Variants in PAXIP1 observed in about 807,000 individuals in gnomAD.
PAXIP1 encodes PAX-interacting protein 1.
A neutral mutation model predicts 140.6 loss-of-function variants in PAXIP1; 19 were observed. That is an observed-to-expected ratio of 0.14 (90% CI 0.09 to 0.20). PAXIP1 has a LOEUF of 0.20. Ranked by LOEUF, PAXIP1 falls within the 10% of genes least tolerant of loss-of-function variation. The pLI, the probability that PAXIP1 is intolerant of heterozygous loss-of-function variation, is 1.00. For synonymous variants in PAXIP1, 442 were observed against 444.6 expected, an observed-to-expected ratio of 0.99 and a Z score of 0.07; for missense variants, 920 against 1,208.6, an observed-to-expected ratio of 0.76 and a Z score of 3.54.
rs762210325 is a variant in PAXIP1, at chr7:154,954,394, C to T, written c.2682G>A (p.Ala894=). The stretch of plus-strand genomic sequence containing the variant: ...GGTGTGTGCACTTCTGTGCAGACTC[C>T]GCAACCTCTCCACCAAGAATGTAGA... ...KKLYILGGEV[A]ESAQKCTHLI... Residue 894 remains alanine (A), a synonymous_variant, in exon 16 of 21, where the codon GCG becomes GCA. Coordinates refer to ENST00000404141, the MANE Select transcript of PAXIP1 (RefSeq NM_007349.4). This position sits in a 1 kb window ranked among gnomAD's most constrained non-coding sequence, Gnocchi z 5.1. The T allele has an allele frequency of 2.7e-5, 42 of 1,567,962 alleles. No homozygotes were observed. The highest frequency in any genetic ancestry group is 2.4e-4 in the African/African-American group (18 of 73,696).
At chr7:154,977,609 A>G (rs182015975) in intron 5 of PAXIP1, among the ~76,000 whole-genome samples, 10 of 152,352 alleles carry the variant, frequency 6.6e-5, no homozygotes, top group Admixed American at 6.5e-4. Context: ...TTAAAATATA[A>G]GAAAAACCTA....
Position 154,975,525 on chromosome 7 carries a change from C to T in PAXIP1, c.1074+171G>A, listed in dbSNP as rs756527712. Among the ~76,000 whole-genome samples the T allele has an allele frequency of 0.014, 12 of 856 alleles. No homozygotes were observed. In the East Asian group the frequency reaches 0.3, roughly 21 times the overall value. The allele number at this position is 856 out of a possible 152,430, so 0.6% of individuals were successfully genotyped here. A position where few individuals can be genotyped will look rare whatever the true frequency, so the allele number is the denominator to read the frequency against. On this transcript the variant is annotated intron_variant, in intron 6 of 20. Coordinates refer to ENST00000404141, the MANE Select transcript of PAXIP1 (RefSeq NM_007349.4). ...CCTGAAATATACATATATACACATA[C>T]ACACACACACACACACACACACACA... is the stretch of plus-strand genomic sequence containing the variant.
chr7:154,954,634 A>G lies in PAXIP1; in HGVS notation c.2653-211T>C, dbSNP rs1272420443. ...TTATCATTTACATTTCTGTAGTTCA[A>G]TTCCACACAAATCAAGATTAAAACA... is the stretch of plus-strand genomic sequence containing the variant. On this transcript the variant is annotated intron_variant, in intron 15 of 20. Coordinates refer to ENST00000404141, the MANE Select transcript of PAXIP1 (RefSeq NM_007349.4). The surrounding 1 kb of genome is among the most constrained non-coding windows in gnomAD (Gnocchi z 5.1). Among the ~76,000 whole-genome samples, 4 of 152,252 alleles carry G rather than the reference A, an allele frequency of 2.6e-5. No homozygotes were observed. In the East Asian group the frequency reaches 5.8e-4, roughly 22 times the overall value.
chr7:154,944,285 C>T, intron 20 of PAXIP1, 121 bp from the exon 21 acceptor site: 3 of 829,144 alleles, frequency 3.6e-6, no homozygotes, highest in Non-Finnish European at 3.8e-6. Flanking sequence ...CAGCCTCTTT[C>T]TTACCCATTC....
At chr7:154,977,303 T>C (rs1809624816) in intron 5 of PAXIP1, among the ~76,000 whole-genome samples, 1 of 152,214 alleles carries the variant, frequency 6.6e-6, no homozygotes, top group Non-Finnish European at 1.5e-5. Context: ...TTGGCTGTGC[T>C]CCTAAAAGCT....
At chr7:154,992,028 C>T (rs892888023) in intron 3 of PAXIP1, among the ~76,000 whole-genome samples, 11 of 152,212 alleles carry the variant, frequency 7.2e-5, no homozygotes, top group Non-Finnish European at 1.5e-5. Flanking sequence ...GCCCCATTAT[C>T]GAAGATCTGT....
chr7:154,961,056 T>A lies in PAXIP1; in HGVS notation c.2271A>T (p.Glu757Asp). 1 of 1,583,570 alleles carries A rather than the reference T, an allele frequency of 6.3e-7. No individual in the cohort carries two copies. The change falls in exon 12 of 21, where the codon GAA (glutamate) becomes GAT (aspartate). Residue 757 changes from glutamate to aspartate, a missense_variant. By Grantham distance (45) the Glu-to-Asp change is conservative. Around this residue, in one of 5 missense-constraint regions of PAXIP1, gnomAD observed 303 missense variants for 517.9 expected, o/e 0.59. Coordinates refer to ENST00000404141, the MANE Select transcript of PAXIP1 (RefSeq NM_007349.4). ...AGGGTATCCTCCACTCTTTGGCTTT[T>A]TCATACTTTAAACCAGTTGGTCTTT... is the stretch of plus-strand genomic sequence containing the variant. ...ICKEPTGLKY[E>D]KAKEWRIPCV...
At chr7:154,951,208 T>G in intron 16 of PAXIP1, 1 of 152,212 alleles carries the variant, frequency 6.6e-6, no homozygotes, top group East Asian at 1.9e-4. Context: ...AACTATGGAC[T>G]TCAGGTGACT....
Position 154,946,078 on chromosome 7 carries a change from A to G in PAXIP1, c.3194+287T>C, listed in dbSNP as rs1307212111. The G allele has an allele frequency of 2.1e-6, 2 of 975,268 alleles. No individual in the cohort carries two copies. Among genetic ancestry groups the G allele is most frequent in the Non-Finnish European group, 2.4e-6 (2 of 820,812 alleles). The allele number at this position is 975,268 out of a possible 1,614,324, so 60.4% of individuals were successfully genotyped here. On this transcript the variant is annotated intron_variant, in intron 20 of 20. Coordinates refer to ENST00000404141, the MANE Select transcript of PAXIP1 (RefSeq NM_007349.4). The surrounding 1 kb of genome is among the most constrained non-coding windows in gnomAD (Gnocchi z 4.9). ...ATATTTATTTTTGCAATTATTTTCTATTTTATCTAATTGTCAAATTCTTTA... is the reference window on the plus strand; with the variant it reads ...ATATTTATTTTTGCAATTATTTTCTGTTTTATCTAATTGTCAAATTCTTTA...
chr7:154,989,734 AT>A (rs1344278339), intron 4 of PAXIP1, among the ~76,000 whole-genome samples: 1 of 152,198 alleles, frequency 6.6e-6, no homozygotes, highest in African/African-American at 2.4e-5. Flanking sequence ...CACTGTTAAC[AT>A]TTTGGTTTCT....
At chr7:154,952,839 T>C (rs572155545) in intron 16 of PAXIP1, among the ~76,000 whole-genome samples, 6 of 152,294 alleles carry the variant, frequency 3.9e-5, no homozygotes, top group Non-Finnish European at 8.8e-5. Context: ...AGTCTTTCCT[T>C]CAGATTAATG....
At chr7:154,966,008 C>T (rs115746961) in intron 8 of PAXIP1, among the ~76,000 whole-genome samples, 16 of 152,310 alleles carry the variant, frequency 1.1e-4, no homozygotes, top group African/African-American at 3.9e-4. Context: ...TTTCCCTTTA[C>T]CTCCATCCTA....
In PAXIP1 at chr7:155,002,900, C is replaced by G; in HGVS notation, c.30G>C (p.Glu10Asp). MSDQAPKVPEEMFREVKYYA... is the reference protein window; with the variant it reads MSDQAPKVPDEMFREVKYYA... ...AATACTTGACCTCCCTGAACATCTC[C>G]TCAGGAACTTTGGGCGCCTGGTCCG... is the stretch of plus-strand genomic sequence containing the variant. Residue 10 changes from glutamate to aspartate, a missense_variant, in exon 1 of 21, where the codon GAG becomes GAC. Glu to Asp is a conservative substitution (Grantham distance 45). Around this residue, in one of 5 missense-constraint regions of PAXIP1, gnomAD observed 419 missense variants for 514.7 expected, o/e 0.81. Transcript: ENST00000404141. The G allele has an allele frequency of 7.2e-7, 1 of 1,390,234 alleles. No individual in the cohort carries two copies. The highest frequency in any genetic ancestry group is 1.4e-5 in the South Asian group (1 of 70,562). The allele number at this position is 1,390,234 out of a possible 1,614,324, so 86.1% of individuals were successfully genotyped here. A position where few individuals can be genotyped will look rare whatever the true frequency, so the allele number is the denominator to read the frequency against.
At chr7:154,985,717 T>C (rs1303795139) in intron 4 of PAXIP1, among the ~76,000 whole-genome samples, 1 of 152,188 alleles carries the variant, frequency 6.6e-6, no homozygotes, top group Non-Finnish European at 1.5e-5. Context: ...ACTCTCCCTT[T>C]TCCTTCTTCA....
chr7:154,975,603 G>T, intron 6 of PAXIP1, 93 bp downstream of exon 6: 1 of 904,142 alleles, frequency 1.1e-6, no homozygotes, highest in Non-Finnish European at 1.7e-6. Context: ...TATTTGGTCT[G>T]AAAAAGCAAA....
intron 6 of PAXIP1, among the ~76,000 whole-genome samples, chr7:154,971,815 C>A (rs1350250844): frequency 6.6e-6 from 1 of 152,130 alleles, no homozygotes; most frequent in Non-Finnish European, 1.5e-5. Context: ...AAGTTACACT[C>A]CCCCCAACAA....
At position 154,975,921 on chromosome 7, in the gene PAXIP1, C is replaced by T. The variant is rs1341940609; in HGVS notation, c.849G>A (p.Gln283=). The T allele has an allele frequency of 1.2e-6, 2 of 1,613,968 alleles. No homozygotes were observed. The highest frequency in any genetic ancestry group is 1.7e-5 in the Admixed American group (1 of 60,016). ...QLAAAKRRLP[Q]GKEPGLINLC... ...AGTTAATCAACCCAGGCTCCTTTCCCTGAGGCAGCCTGCGTTTTGCTGCAG... is the reference window on the plus strand; with the variant it reads ...AGTTAATCAACCCAGGCTCCTTTCCTTGAGGCAGCCTGCGTTTTGCTGCAG... Residue 283 remains glutamine (Q), a synonymous_variant, in exon 6 of 21, where the codon CAG becomes CAA. Coordinates refer to ENST00000404141, the MANE Select transcript of PAXIP1 (RefSeq NM_007349.4).
Position 154,963,689 on chromosome 7 carries a change from G to C in PAXIP1, c.1971C>G (p.Val657=), listed in dbSNP as rs1284138939. The change falls in exon 9 of 21, where the codon GTC becomes GTG. Residue 657 remains valine (V), a synonymous_variant. Transcript: ENST00000404141. The surrounding 1 kb of genome is among the most constrained non-coding windows in gnomAD (Gnocchi z 4.1). ...TCCTTACCTGTGCATACGCGCTGCT[G>C]ACTTGACTCTCACAGAGAAGGTGCG... ...RCTHLLCESQ[V]SSAYAQAIRE... 1 of 1,613,172 alleles carries C rather than the reference G, an allele frequency of 6.2e-7. No homozygotes were observed.
chr7:154,956,047 G>T lies in PAXIP1; in HGVS notation c.2550-416C>A, dbSNP rs943288981. On this transcript the variant is annotated intron_variant, in intron 14 of 20. Coordinates refer to ENST00000404141, the MANE Select transcript of PAXIP1 (RefSeq NM_007349.4). This position sits in a 1 kb window ranked among gnomAD's most constrained non-coding sequence, Gnocchi z 4.2. ...CCTTGTGTGACTCAGGCCATTCCTT[G>T]TTTGCACGTTCACCATCAATACAAG... Among the ~76,000 whole-genome samples the T allele has an allele frequency of 6.6e-6, 1 of 152,104 alleles. No individual in the cohort carries two copies. Among genetic ancestry groups the T allele is most frequent in the Non-Finnish European group, 1.5e-5 (1 of 68,026 alleles).
Sources: gnomAD v4.1 joint callset for allele counts (sites outside exome capture counted in the v4.1 genomes callset) on GRCh38, gnomAD v4.1.1 for gene constraint, gnomAD v4.1.1 regional missense constraint, Gnocchi (gnomAD v3.1) non-coding constraint, MANE v1.5 for transcripts, NCBI Gene and HGNC (gene_info 2026-07-23, HGNC 2026-07-21) for gene names.